The following AGBL3 variants were observed in gnomAD, a reference collection of about 807,000 sequenced individuals.
The protein encoded by AGBL3 is cytosolic carboxypeptidase 3.
In AGBL3, 68 loss-of-function variants were observed where a neutral mutation model predicts 94.5. The observed-to-expected ratio is 0.72, with a 90% CI of 0.59 to 0.88. AGBL3 has a LOEUF of 0.88. Ranked by LOEUF, AGBL3 falls within the 40% of genes least tolerant of loss-of-function variation. AGBL3 has a pLI of 0.00. For missense variants in AGBL3, 934 were observed against 1,103.8 expected (o/e 0.85, Z 2.18); for synonymous variants, 354 against 370.7 (o/e 0.95, Z 0.52).
intron 15 of AGBL3, among the ~76,000 whole-genome samples, chr7:135,097,597 A>G (rs1243358804): frequency 6.6e-6 from 1 of 152,146 alleles, no homozygotes; most frequent in Non-Finnish European, 1.5e-5. Flanking sequence ...AATGTCTTCC[A>G]TATGTTGTAC....
intron 15 of AGBL3, among the ~76,000 whole-genome samples, chr7:135,110,830 T>C (rs986660011): frequency 2.0e-5 from 3 of 152,210 alleles, no homozygotes; most frequent in Non-Finnish European, 4.4e-5. Context: ...TTTGCCTCCT[T>C]ATCCTTTGAC....
chr7:135,125,435 C>G (rs1362633051), intron 16 of AGBL3, among the ~76,000 whole-genome samples: 1 of 152,022 alleles, frequency 6.6e-6, no homozygotes, highest in Non-Finnish European at 1.5e-5. Context: ...CAGAACCAGA[C>G]GGATTCACGG....
intron 4 of AGBL3, among the ~76,000 whole-genome samples, chr7:135,015,461 C>T (rs1034464923): frequency 6.6e-6 from 1 of 151,976 alleles, no homozygotes; most frequent in Non-Finnish European, 1.5e-5. Context: ...TCAAATACAA[C>T]GTAAAGAACA....
intron 15 of AGBL3, among the ~76,000 whole-genome samples, chr7:135,110,280 G>T (rs140703971): frequency 6.6e-6 from 1 of 152,164 alleles, no homozygotes; most frequent in African/African-American, 2.4e-5. Context: ...ATCTGCAGAC[G>T]GTCACTGCTC....
intron 16 of AGBL3, among the ~76,000 whole-genome samples, chr7:135,117,964 G>A (rs1434244339): frequency 6.6e-6 from 1 of 152,190 alleles, no homozygotes; most frequent in Non-Finnish European, 1.5e-5. Flanking sequence ...ACTGCTGTAG[G>A]ATGCAAATTT....
intron 15 of AGBL3, among the ~76,000 whole-genome samples, chr7:135,107,293 T>C (rs959700910): frequency 2.0e-5 from 3 of 152,200 alleles, no homozygotes; most frequent in African/African-American, 7.2e-5. Context: ...CTAGTTATTT[T>C]AGTTGTGAGG....
At chr7:135,078,792 A>G (rs1424713468) in intron 13 of AGBL3, among the ~76,000 whole-genome samples, 1 of 152,174 alleles carries the variant, frequency 6.6e-6, no homozygotes. Flanking sequence ...CTAATAGCAG[A>G]TTGTGGTCAC....
rs1819400053 is a variant in AGBL3, at chr7:135,067,130, C to T, written c.1908+7895C>T. Among the ~76,000 whole-genome samples the T allele has an allele frequency of 2.6e-5, 4 of 152,196 alleles. No homozygotes were observed. In the South Asian group the frequency reaches 6.2e-4, roughly 24 times the overall value. ...AGAGGGTCCTACACCCATGGAGCCT[C>T]GCTCATTGCTAGCACAGCAGTCTGA... On this transcript the variant is annotated intron_variant, in intron 12 of 16. Transcript: ENST00000436302.
intron 12 of AGBL3, among the ~76,000 whole-genome samples, chr7:135,062,395 A>C (rs10480857): frequency 6.6e-6 from 1 of 152,060 alleles, no homozygotes; most frequent in Non-Finnish European, 1.5e-5. Flanking sequence ...CTTCAGTACT[A>C]TGTTGAATAG....
intron 8 of AGBL3, among the ~76,000 whole-genome samples, 189 bp downstream of exon 8, chr7:135,037,769 G>A (rs1816455480): frequency 6.6e-6 from 1 of 151,906 alleles, no homozygotes; most frequent in Admixed American, 6.6e-5. Context: ...AAAATATGGG[G>A]AAAAAAGGCA....
rs142553948 is a variant in AGBL3 at position 134,995,360 on chromosome 7, T to G, written c.310+1682T>G. ...ACCTCACCTAACTAGAAAACCCTTC[T>G]GTCACATCTTTGCCACACCTTTCTC... On this transcript the variant is annotated intron_variant, in intron 4 of 16. Transcript: ENST00000436302. 6 of 152,384 alleles carry G rather than the reference T, an allele frequency of 3.9e-5. No individual in the cohort carries two copies. The East Asian group carries it at 1.2e-3, about 29-fold the overall frequency. 9.4% of individuals were successfully genotyped at this position (152,384 alleles called of 1,614,324 possible).
rs370218259 is a variant in AGBL3 at position 135,045,562 on chromosome 7, C to A, written c.1716C>A (p.Pro572=). The A allele has an allele frequency of 6.4e-7, 1 of 1,550,832 alleles. No individual in the cohort carries two copies. The highest frequency in any genetic ancestry group is 8.7e-7 in the Non-Finnish European group (1 of 1,146,452). The change falls in exon 10 of 17, where the codon CCC becomes CCA. Residue 572 remains proline, a synonymous_variant. Coordinates refer to ENST00000436302, the MANE Select transcript of AGBL3 (RefSeq NM_178563.4). ...ATTCTCTCTTGGATTATTGTGATCC[C>A]GACCGGACCAAGGTAAGCAAAGTCC... ...FCDSLLDYCD[P]DRTKYYRCLK... is the part of the protein sequence containing the mutation.
intron 16 of AGBL3, among the ~76,000 whole-genome samples, chr7:135,134,501 A>G (rs1025334924): frequency 6.6e-6 from 1 of 152,130 alleles, no homozygotes; most frequent in Admixed American, 6.6e-5. Flanking sequence ...AGATTTTTAG[A>G]GCAAACAACT....
At chr7:135,073,911 TTC>T (rs1820215513) in intron 12 of AGBL3, among the ~76,000 whole-genome samples, 6 of 152,210 alleles carry the variant, frequency 3.9e-5, no homozygotes, top group Admixed American at 3.9e-4. Context: ...TAGTTTTTAC[TTC>T]TTTCTTTGGA....
intron 5 of AGBL3, among the ~76,000 whole-genome samples, chr7:135,020,301 T>A (rs762357949): frequency 1.3e-5 from 2 of 152,138 alleles, no homozygotes; most frequent in Non-Finnish European, 2.9e-5. Context: ...AACAGACACA[T>A]GAAAAAGTGC....
chr7:135,107,302 G>C (rs1824881385), intron 15 of AGBL3, among the ~76,000 whole-genome samples: 1 of 152,016 alleles, frequency 6.6e-6, no homozygotes, highest in Non-Finnish European at 1.5e-5. Flanking sequence ...TTAGTTGTGA[G>C]GTTAGGTTGT....
intron 12 of AGBL3, among the ~76,000 whole-genome samples, chr7:135,066,235 G>C (rs1462075135): frequency 6.6e-6 from 1 of 152,144 alleles, no homozygotes; most frequent in East Asian, 1.9e-4. Context: ...TATCTGAACA[G>C]GGGGTAATCT....
chr7:135,105,321 C>T (rs1310948255), intron 15 of AGBL3, among the ~76,000 whole-genome samples: 4 of 123,432 alleles, frequency 3.2e-5, no homozygotes, highest in African/African-American at 8.1e-5. Context: ...CCGCCTGCCT[C>T]GGTCTCCCAA....
intron 16 of AGBL3, among the ~76,000 whole-genome samples, chr7:135,130,938 A>C (rs968458503): frequency 6.6e-6 from 1 of 152,174 alleles, no homozygotes; most frequent in Non-Finnish European, 1.5e-5. Flanking sequence ...TTTTTGGAAA[A>C]GAGAACAGAA....
Sources: gnomAD v4.1 joint callset for allele counts (sites outside exome capture counted in the v4.1 genomes callset) on GRCh38, gnomAD v4.1.1 for gene constraint, MANE v1.5 for transcripts, NCBI Gene and HGNC (gene_info 2026-07-23, HGNC 2026-07-21) for gene names.